Variants in MECOM observed in about 807,000 individuals in gnomAD.
MECOM encodes histone-lysine N-methyltransferase MECOM.
In MECOM, 13 loss-of-function variants were observed where a neutral mutation model predicts 116.3. That is an observed-to-expected ratio of 0.11 (90% confidence interval 0.07 to 0.18). MECOM has a LOEUF of 0.18. Ranked by LOEUF, MECOM falls within the 10% of genes least tolerant of loss-of-function variation. The pLI is 1.00. For synonymous variants in MECOM, 528 were observed against 535.2 expected (o/e 0.99, Z 0.19); for missense variants, 1,299 against 1,509.0 (o/e 0.86, Z 2.31).
chr3:169,260,868 T>C (rs1757449936), intron 2 of MECOM, among the ~76,000 whole-genome samples: 2 of 152,224 alleles, frequency 1.3e-5, no homozygotes, highest in Non-Finnish European at 2.9e-5. Context: ...CATCACTGAA[T>C]ATTTAAAAGT....
intron 4 of MECOM, among the ~76,000 whole-genome samples, chr3:169,129,603 CA>C (rs1257258789): frequency 1.3e-5 from 2 of 152,050 alleles, no homozygotes; most frequent in African/African-American, 2.4e-5. Flanking sequence ...ACAGGATTCT[CA>C]ATGACATTAG....
chr3:169,188,158 A>G lies in MECOM; in HGVS notation c.376-44326T>C, dbSNP rs142936278. ...TTTTAAGGAATGCAATTCTCTCTCA[A>G]TACCTGACAACCTTTTTTCCTTTGA... On this transcript the variant is annotated intron_variant, in intron 2 of 16. Transcript: ENST00000651503. Among the ~76,000 whole-genome samples, 510 of 152,206 alleles carry G rather than the reference A, an allele frequency of 3.4e-3. 2 individuals are homozygous for G. The highest frequency in any genetic ancestry group is 0.012 in the African/African-American group (481 of 41,548).
rs548969872 is a variant in MECOM at position 169,109,099 on chromosome 3, A to G, written c.2578-1147T>C. ...CTATCAGTGTGAATGCAAAGGATCC[A>G]AAATAGGAACAAACGAAATGGACAT... On this transcript the variant is annotated intron_variant, in intron 9 of 16. Transcript: ENST00000651503. Among the ~76,000 whole-genome samples the G allele has an allele frequency of 1.1e-4, 17 of 152,336 alleles. No homozygotes were observed. The South Asian group carries it at 3.5e-3, about 32-fold the overall frequency.
chr3:169,179,266 A>G (rs1290542946), intron 2 of MECOM, among the ~76,000 whole-genome samples: 2 of 152,206 alleles, frequency 1.3e-5, no homozygotes, highest in African/African-American at 4.8e-5. Context: ...AAGCCATGAG[A>G]TATTAATGCA....
At chr3:169,181,283 GT>G (rs2149396249) in intron 2 of MECOM, among the ~76,000 whole-genome samples, 1 of 152,204 alleles carries the variant, frequency 6.6e-6, no homozygotes, top group African/African-American at 2.4e-5. Flanking sequence ...GCCACATGTG[GT>G]TATTTAAATT....
At chr3:169,146,654 A>C in intron 2 of MECOM, 1 of 1,356,636 alleles carries the variant, frequency 7.4e-7, no homozygotes. Context: ...CCGGCAGGAA[A>C]CTGTCCGAAG....
intron 1 of MECOM, among the ~76,000 whole-genome samples, chr3:169,408,662 T>C (rs1029023917): frequency 2.0e-5 from 3 of 152,166 alleles, no homozygotes; most frequent in Non-Finnish European, 2.9e-5. Flanking sequence ...TTATTTATTC[T>C]CCTTTCCCAT....
At chr3:169,656,767 T>C (rs1467475466) in intron 1 of MECOM, among the ~76,000 whole-genome samples, 1 of 152,190 alleles carries the variant, frequency 6.6e-6, no homozygotes, top group Non-Finnish European at 1.5e-5. Flanking sequence ...ACATTGTATT[T>C]TATACACATA....
chr3:169,121,893 C>T (rs1449730381), intron 6 of MECOM, among the ~76,000 whole-genome samples: 1 of 132,898 alleles, frequency 7.5e-6, no homozygotes, highest in Admixed American at 7.1e-5. Flanking sequence ...TTTCCATTGG[C>T]ATGAAAAAAA....
intron 2 of MECOM, among the ~76,000 whole-genome samples, chr3:169,271,857 G>A (rs772702600): frequency 6.6e-6 from 1 of 152,102 alleles, no homozygotes. Context: ...TTCTGCAACA[G>A]TGCAGCTAAC....
intron 1 of MECOM, among the ~76,000 whole-genome samples, chr3:169,643,384 A>C (rs1034047249): frequency 3.9e-5 from 6 of 152,216 alleles, no homozygotes; most frequent in Admixed American, 3.9e-4. Flanking sequence ...TTTTCTAAAG[A>C]AACCCTCTTA....
At chr3:169,627,435 A>G (rs1027693183) in intron 1 of MECOM, among the ~76,000 whole-genome samples, 3 of 152,254 alleles carry the variant, frequency 2.0e-5, no homozygotes, top group African/African-American at 7.2e-5. Flanking sequence ...CACTGCATGA[A>G]ATACACATTG....
At chr3:169,223,455 G>A (rs943301590) in intron 2 of MECOM, among the ~76,000 whole-genome samples, 2 of 151,434 alleles carry the variant, frequency 1.3e-5, no homozygotes. Context: ...TCCCTACAAA[G>A]GACATGAACT....
intron 1 of MECOM, among the ~76,000 whole-genome samples, chr3:169,572,066 T>G (rs931971743): frequency 1.3e-5 from 2 of 152,028 alleles, no homozygotes; most frequent in African/African-American, 4.8e-5. Flanking sequence ...CTACAGAATG[T>G]GAGAACATTT....
intron 2 of MECOM, among the ~76,000 whole-genome samples, chr3:169,235,872 A>T (rs1364181923): frequency 6.6e-6 from 1 of 151,076 alleles, no homozygotes; most frequent in Non-Finnish European, 1.5e-5. Context: ...TTTTGCTTAA[A>T]AAAAAAAAAA....
Position 169,453,970 on chromosome 3 carries a change from G to A in MECOM, c.38-72446C>T, listed in dbSNP as rs541378801. Among the ~76,000 whole-genome samples, 45 of 152,146 alleles carry A rather than the reference G, an allele frequency of 3.0e-4. 2 individuals are homozygous for A. In the South Asian group the frequency reaches 6.4e-3, roughly 22 times the overall value. ...TCGCCTTTGCAATCAAAACTTGTTG[G>A]GGTCAGAGCCTTCCTTTCTTTGTGT... is the stretch of plus-strand genomic sequence containing the variant. On this transcript the variant is annotated intron_variant, in intron 1 of 16. Coordinates refer to ENST00000651503, the MANE Select transcript of MECOM (RefSeq NM_004991.4).
At position 169,116,216 on chromosome 3, in the gene MECOM, C is replaced by G. The variant is rs1288689217; in HGVS notation, c.1656G>C (p.Gly552=). Residue 552 remains glycine, a synonymous_variant, in exon 8 of 17, where the codon GGG becomes GGC. Transcript: ENST00000651503. ...LKALSKHPSV[G]DNKPVELQPE... is the part of the protein sequence containing the mutation. ...GCTGGAGCTCCACTGGCTTATTGTC[C>G]CCTACAGATGGGTGTTTAGATAGTG... 3.7e-6 allele frequency: 6 copies of G among 1,614,014 alleles called. No homozygotes were observed. The highest frequency in any genetic ancestry group is 1.1e-5 in the South Asian group (1 of 91,086).
At chr3:169,231,894 C>G (rs999483283) in intron 2 of MECOM, among the ~76,000 whole-genome samples, 15 of 152,086 alleles carry the variant, frequency 9.9e-5, no homozygotes, top group Non-Finnish European at 1.5e-4. Context: ...CCAGTTAAGA[C>G]AGTGTCCCAA....
chr3:169,635,282 C>A (rs569528040), intron 1 of MECOM, among the ~76,000 whole-genome samples: 1 of 152,350 alleles, frequency 6.6e-6, no homozygotes, highest in Middle Eastern at 3.4e-3. Flanking sequence ...TATTTAAGAG[C>A]TTAGAACAGT....
Sources: allele counts gnomAD v4.1 joint callset (sites outside exome capture counted in the v4.1 genomes callset), GRCh38; gene constraint gnomAD v4.1.1; transcripts MANE v1.5; gene names NCBI Gene and HGNC (gene_info 2026-07-23, HGNC 2026-07-21).